The following SREBF2 variants were observed in gnomAD, a reference collection of about 807,000 sequenced individuals.
The protein encoded by SREBF2 is sterol regulatory element-binding protein 2.
In SREBF2, 55 loss-of-function variants were observed where a neutral mutation model predicts 113.1. That is an observed-to-expected ratio of 0.49 (90% CI 0.39 to 0.61). The LOEUF is 0.61. Among genes scored for constraint, SREBF2 ranks in the 20% least tolerant of loss-of-function variants. The pLI is 0.00. For missense variants in SREBF2, 1,349 were observed against 1,487.4 expected (o/e 0.91, Z 1.53); for synonymous variants, 593 against 605.7 (o/e 0.98, Z 0.31).
At position 41,871,976 on chromosome 22, in the gene SREBF2, C is replaced by T. The variant is rs150192691; in HGVS notation, c.867+941C>T. On this transcript the variant is annotated intron_variant, in intron 4 of 18. Coordinates refer to ENST00000361204, the MANE Select transcript of SREBF2 (RefSeq NM_004599.4). Reference sequence around the variant, plus strand: ...AGAAATAGTGTGTCAAGCCACCGGGCGCAGTGGCTCACACCTGTAATCCCA... The same window carrying T: ...AGAAATAGTGTGTCAAGCCACCGGGTGCAGTGGCTCACACCTGTAATCCCA... Among the ~76,000 whole-genome samples the T allele has an allele frequency of 8.3e-4, 124 of 150,276 alleles. 9 individuals carry two copies. The East Asian group carries it at 0.023, about 28-fold the overall frequency.
chr22:41,871,135 G>C, intron 4 of SREBF2, 100 bp downstream of exon 4: 1 of 1,509,580 alleles, frequency 6.6e-7, no homozygotes, highest in Non-Finnish European at 9.1e-7. Context: ...GTAGGTATGG[G>C]AGGGTCTATA....
At chr22:41,851,025 G>A (rs2076924403) in intron 1 of SREBF2, among the ~76,000 whole-genome samples, 1 of 152,160 alleles carries the variant, frequency 6.6e-6, no homozygotes, top group Admixed American at 6.5e-5. Context: ...ACAGGCGTGA[G>A]CCACCAAGCC....
Position 41,905,744 on chromosome 22 carries a change from A to G in SREBF2, c.*84A>G, listed in dbSNP as rs2229442. Reference sequence around the variant, plus strand: ...ATCTTCCCGCTGAGAGTGGTGGGGAAGAGCCTTGTCTTCTTAGCTGTCACC... The same window carrying G: ...ATCTTCCCGCTGAGAGTGGTGGGGAGGAGCCTTGTCTTCTTAGCTGTCACC... On this transcript the variant is annotated 3_prime_UTR_variant, in exon 19 of 19. Coordinates refer to ENST00000361204, the MANE Select transcript of SREBF2 (RefSeq NM_004599.4). The G allele has an allele frequency of 0.09, 129,024 of 1,438,740 alleles. 7,609 individuals carry two copies. The highest frequency in any genetic ancestry group is 0.3 in the African/African-American group (21,296 of 70,828). 89.1% of individuals were successfully genotyped at this position (1,438,740 alleles called of 1,614,324 possible).
chr22:41,898,500 T>A (rs1330897709), intron 14 of SREBF2, 149 bp from the exon 15 acceptor site: 1 of 972,064 alleles, frequency 1.0e-6, no homozygotes, highest in Non-Finnish European at 1.6e-6. Flanking sequence ...TCCCCCAGAA[T>A]CCTGGGTGTG....
intron 11 of SREBF2, among the ~76,000 whole-genome samples, chr22:41,892,647 C>CAA (rs397967305): frequency 0.022 from 1,665 of 76,788 alleles, 78 homozygotes; most frequent in African/African-American, 0.057. Flanking sequence ...AACTCCGTCT[C>CAA]AAAAAAAAAA....
intron 1 of SREBF2, among the ~76,000 whole-genome samples, chr22:41,847,921 T>TTA (rs535135385): frequency 3.5e-3 from 84 of 23,882 alleles, no homozygotes; most frequent in Non-Finnish European, 5.8e-3. Flanking sequence ...ATTATTATTA[T>TTA]TTTTTTTTTT....
chr22:41,841,958 A>G (rs1018090531), intron 1 of SREBF2, among the ~76,000 whole-genome samples: 3 of 152,186 alleles, frequency 2.0e-5, no homozygotes, highest in African/African-American at 7.2e-5. Flanking sequence ...ACTGTTCTGA[A>G]TACTTGTGAA....
At chr22:41,904,660 C>T in intron 17 of SREBF2, 2 of 710,418 alleles carry the variant, frequency 2.8e-6, no homozygotes, top group Non-Finnish European at 5.2e-6. Flanking sequence ...TCTCATCCTG[C>T]TCCTGCTGTT....
At chr22:41,875,793 T>C (rs1424080231) in intron 7 of SREBF2, 69 bp downstream of exon 7, 7 of 1,574,560 alleles carry the variant, frequency 4.4e-6, no homozygotes, top group Non-Finnish European at 6.1e-6. Flanking sequence ...AGCTGGGAGG[T>C]CACAGTTATG....
intron 1 of SREBF2, among the ~76,000 whole-genome samples, chr22:41,854,803 A>C (rs2076962927): frequency 6.6e-6 from 1 of 151,948 alleles, no homozygotes; most frequent in African/African-American, 2.4e-5. Context: ...TGGGAGGCGG[A>C]GGTGGAGCCA....
intron 1 of SREBF2, among the ~76,000 whole-genome samples, chr22:41,845,173 C>T (rs1484015915): frequency 6.6e-6 from 1 of 152,120 alleles, no homozygotes; most frequent in East Asian, 1.9e-4. Context: ...TCGTGATCCA[C>T]CTGCCTTGGC....
intron 1 of SREBF2, among the ~76,000 whole-genome samples, chr22:41,855,129 T>C (rs1045897794): frequency 2.6e-4 from 40 of 152,024 alleles, no homozygotes; most frequent in African/African-American, 9.4e-4. Flanking sequence ...TTATTAACAT[T>C]GTTAATGAAG....
intron 9 of SREBF2, among the ~76,000 whole-genome samples, chr22:41,880,155 C>G (rs1009633601): frequency 5.3e-5 from 8 of 152,186 alleles, no homozygotes; most frequent in African/African-American, 1.7e-4. Context: ...CTAACAAGCT[C>G]CTAAGAGCTG....
At chr22:41,849,300 TC>T (rs1340766243) in intron 1 of SREBF2, among the ~76,000 whole-genome samples, 2 of 152,168 alleles carry the variant, frequency 1.3e-5, no homozygotes, top group Non-Finnish European at 2.9e-5. Flanking sequence ...CAAGCGATTC[TC>T]CTGCCTCAGC....
At chr22:41,895,702 C>T (rs934345536) in intron 13 of SREBF2, among the ~76,000 whole-genome samples, 1 of 152,120 alleles carries the variant, frequency 6.6e-6, no homozygotes, top group Admixed American at 6.6e-5. Context: ...TCCCAAAGTG[C>T]TGGGATTACA....
chr22:41,843,771 G>T (rs893478932), intron 1 of SREBF2, among the ~76,000 whole-genome samples: 1 of 151,824 alleles, frequency 6.6e-6, no homozygotes, highest in East Asian at 1.9e-4. Context: ...AAGATGAGAG[G>T]ATCCCTTGAG....
chr22:41,841,170 G>A (rs2076827407), intron 1 of SREBF2, among the ~76,000 whole-genome samples: 1 of 152,208 alleles, frequency 6.6e-6, no homozygotes, highest in Non-Finnish European at 1.5e-5. Context: ...CTAGGAGGTG[G>A]AGGTGGGAGA....
At chr22:41,836,531 C>T (rs1346821956) in intron 1 of SREBF2, among the ~76,000 whole-genome samples, 1 of 152,244 alleles carries the variant, frequency 6.6e-6, no homozygotes, top group Non-Finnish European at 1.5e-5. Context: ...TCCCTTGATT[C>T]TCACCCCTGT....
intron 1 of SREBF2, among the ~76,000 whole-genome samples, chr22:41,834,270 T>C (rs1174778674): frequency 6.6e-6 from 1 of 152,208 alleles, no homozygotes; most frequent in African/African-American, 2.4e-5. Flanking sequence ...TTGACTAGGC[T>C]AGTAATCTTA....
Sources: allele counts gnomAD v4.1 joint callset (sites outside exome capture counted in the v4.1 genomes callset), GRCh38; gene constraint gnomAD v4.1.1; transcripts MANE v1.5; gene names NCBI Gene and HGNC (gene_info 2026-07-23, HGNC 2026-07-21).